TM2D1: variants seen among roughly 807,000 people sequenced by gnomAD.
The protein encoded by TM2D1 is TM2 domain-containing protein 1.
A neutral mutation model predicts 28.4 loss-of-function variants in TM2D1; 15 were observed. The ratio of observed to expected loss-of-function variants is 0.53; its 90% CI spans 0.35 to 0.81. The LOEUF (loss-of-function observed/expected upper bound fraction) is 0.81. Among genes scored for constraint, TM2D1 ranks in the 40% least tolerant of loss-of-function variants. The pLI, the probability that TM2D1 is intolerant of heterozygous loss-of-function variation, is 0.01. For synonymous variants in TM2D1, 93 were observed against 96.2 expected (o/e 0.97, Z 0.20); for missense variants, 236 against 254.9 (o/e 0.93, Z 0.50).
chr1:61,701,100 T>G, intron 3 of TM2D1, 75 bp from the exon 4 acceptor site: 1 of 1,098,340 alleles, frequency 9.1e-7, no homozygotes, highest in Non-Finnish European at 1.4e-6. Flanking sequence ...AACTACTACT[T>G]GTTAATTGGT....
intron 5 of TM2D1, among the ~76,000 whole-genome samples, chr1:61,689,363 TTTATTA>T (rs1219407243): frequency 1.3e-5 from 2 of 148,560 alleles, no homozygotes; most frequent in African/African-American, 4.9e-5. Context: ...AATATTTTAT[TTTATTA>T]TTATTATTTT....
chr1:61,723,395 T>C (rs900558933), intron 2 of TM2D1, among the ~76,000 whole-genome samples: 6 of 152,226 alleles, frequency 3.9e-5, no homozygotes, highest in Non-Finnish European at 8.8e-5. Flanking sequence ...GAGGGAATGA[T>C]ATGCTTATTA....
chr1:61,714,672 A>C (rs1023906620), intron 2 of TM2D1, among the ~76,000 whole-genome samples: 1 of 152,192 alleles, frequency 6.6e-6, no homozygotes, highest in African/African-American at 2.4e-5. Flanking sequence ...CTCCCGCCTC[A>C]GTCTCCCAAG....
intron 5 of TM2D1, among the ~76,000 whole-genome samples, chr1:61,684,459 T>C (rs1644269227): frequency 6.6e-6 from 1 of 152,174 alleles, no homozygotes; most frequent in Non-Finnish European, 1.5e-5. Context: ...ACCCCGAGTC[T>C]TATGATGGCA....
At chr1:61,721,549 AAAAAAAAG>A (rs1039315219) in intron 2 of TM2D1, among the ~76,000 whole-genome samples, 32 of 140,600 alleles carry the variant, frequency 2.3e-4, no homozygotes, top group African/African-American at 6.9e-4. Context: ...CTCAAAAAAA[AAAAAAAAG>A]AAAAAAGAAA....
chr1:61,707,193 T>C (rs2148054923), intron 3 of TM2D1, among the ~76,000 whole-genome samples: 1 of 152,272 alleles, frequency 6.6e-6, no homozygotes, highest in South Asian at 2.1e-4. Flanking sequence ...AGGTTGAGGC[T>C]GCAATGAGAC....
chr1:61,694,432 A>T (rs1265187476), intron 5 of TM2D1: 2 of 273,172 alleles, frequency 7.3e-6, no homozygotes, highest in African/African-American at 2.2e-5. Context: ...ACTCAATTGA[A>T]CTCACATTTA....
At chr1:61,706,864 A>AAGAG (rs1644445550) in intron 3 of TM2D1, among the ~76,000 whole-genome samples, 1 of 147,310 alleles carries the variant, frequency 6.8e-6, no homozygotes, top group Non-Finnish European at 1.5e-5. Context: ...GAAAGAAAGA[A>AAGAG]ATAGTAAACT....
At chr1:61,708,512 A>G (rs1644455756) in intron 3 of TM2D1, among the ~76,000 whole-genome samples, 1 of 152,248 alleles carries the variant, frequency 6.6e-6, no homozygotes, top group Non-Finnish European at 1.5e-5. Flanking sequence ...CCTCCTGGGT[A>G]GCTAGGACTA....
chr1:61,710,099 T>G (rs1463777), intron 2 of TM2D1, among the ~76,000 whole-genome samples: 51,489 of 151,974 alleles, frequency 0.34, 10,674 homozygotes, highest in East Asian at 0.48. Context: ...TGAGAACAAC[T>G]TATTTGGACA....
chr1:61,705,719 G>C (rs1644435938), intron 3 of TM2D1, among the ~76,000 whole-genome samples: 1 of 152,102 alleles, frequency 6.6e-6, no homozygotes, highest in African/African-American at 2.4e-5. Context: ...GACGAAAGGA[G>C]CAAGGCCCAT....
intron 2 of TM2D1, among the ~76,000 whole-genome samples, chr1:61,718,976 A>G (rs1325655645): frequency 6.6e-6 from 1 of 152,260 alleles, no homozygotes; most frequent in African/African-American, 2.4e-5. Context: ...AATATGGATT[A>G]AAGCATGTGT....
chr1:61,687,712 A>T (rs1644293958), intron 5 of TM2D1, among the ~76,000 whole-genome samples: 1 of 152,192 alleles, frequency 6.6e-6, no homozygotes, highest in Admixed American at 6.5e-5. Flanking sequence ...GAAAGAAAAA[A>T]AAAAGACCAT....
chr1:61,718,606 A>G (rs2148067773), intron 2 of TM2D1, among the ~76,000 whole-genome samples: 1 of 152,348 alleles, frequency 6.6e-6, no homozygotes, highest in East Asian at 1.9e-4. Context: ...AATACTAACT[A>G]TACAGTAGAA....
chr1:61,722,985 G>C (rs1644579615), intron 2 of TM2D1, among the ~76,000 whole-genome samples: 1 of 152,120 alleles, frequency 6.6e-6, no homozygotes, highest in South Asian at 2.1e-4. Context: ...GATTTCAAAG[G>C]AAATGACACA....
chr1:61,692,675 C>G (rs1049185857), intron 5 of TM2D1, among the ~76,000 whole-genome samples: 5 of 152,082 alleles, frequency 3.3e-5, no homozygotes, highest in Non-Finnish European at 2.9e-5. Flanking sequence ...ATGAGAGGAT[C>G]GCTTAAGCCC....
chr1:61,721,011 G>C (rs769532064), intron 2 of TM2D1, among the ~76,000 whole-genome samples: 1 of 151,860 alleles, frequency 6.6e-6, no homozygotes, highest in African/African-American at 2.4e-5. Flanking sequence ...CTTGAGCCCA[G>C]GAGTTCCAGA....
intron 6 of TM2D1, 37 bp downstream of exon 6, chr1:61,683,380 C>G (rs1644261220): frequency 1.6e-6 from 1 of 643,364 alleles, no homozygotes; most frequent in African/African-American, 1.9e-5. Context: ...AATAATATAC[C>G]ACTATAAGAT....
intron 2 of TM2D1, among the ~76,000 whole-genome samples, chr1:61,713,884 C>CTTTTT (rs372226143): frequency 1.4e-4 from 15 of 106,228 alleles, no homozygotes; most frequent in South Asian, 3.2e-4. Flanking sequence ...CCAAATATTT[C>CTTTTT]TTTTTTTTTT....
Sources: allele counts gnomAD v4.1 joint callset (sites outside exome capture counted in the v4.1 genomes callset), GRCh38; gene constraint gnomAD v4.1.1; transcripts MANE v1.5; gene names NCBI Gene and HGNC (gene_info 2026-07-23, HGNC 2026-07-21).